Variants in BRD3 observed in about 807,000 individuals in gnomAD.
The protein encoded by BRD3 is bromodomain containing 3, also known as bromodomain-containing protein 3.
In BRD3, 17 loss-of-function variants were observed where a neutral mutation model predicts 66.8. The ratio of observed to expected loss-of-function variants is 0.25; its 90% confidence interval spans 0.17 to 0.38. BRD3 has a LOEUF of 0.38. Among genes scored for constraint, BRD3 ranks in the 10% least tolerant of loss-of-function variants. BRD3 has a pLI of 1.00. For missense variants in BRD3, 713 were observed against 956.1 expected (o/e 0.75, Z 3.35); for synonymous variants, 421 against 393.2 (o/e 1.07, Z -0.84).
upstream of BRD3, chr9:134,068,275 C>A (rs1830715767): frequency 6.8e-6 from 1 of 146,836 alleles, no homozygotes; most frequent in South Asian, 2.1e-4. Context: ...AGGGCAACAA[C>A]GCTGGGACCC....
At chr9:134,067,753 G>A (rs1200468248) in intron 1 of BRD3, among the ~76,000 whole-genome samples, 192 bp downstream of exon 1, 1 of 145,030 alleles carries the variant, frequency 6.9e-6, no homozygotes, top group East Asian at 2.0e-4. Context: ...CCGGGCGGCC[G>A]CCGCGCTTTG....
At chr9:134,064,855 G>A (rs938481257) in intron 1 of BRD3, among the ~76,000 whole-genome samples, 3 of 152,138 alleles carry the variant, frequency 2.0e-5, no homozygotes, top group Non-Finnish European at 2.9e-5. Flanking sequence ...CCTATGCTCC[G>A]CCACCAGCTG....
At chr9:134,047,882 G>A in intron 6 of BRD3, 1 of 631,946 alleles carries the variant, frequency 1.6e-6, no homozygotes, top group South Asian at 2.6e-5. Context: ...ACAGACTCCG[G>A]GACCCACAGG....
chr9:134,037,954 A>C (rs916573585), intron 9 of BRD3, among the ~76,000 whole-genome samples: 4 of 152,222 alleles, frequency 2.6e-5, no homozygotes, highest in South Asian at 2.1e-4. Context: ...TAAACCTCTA[A>C]AACTCACTCA....
intron 1 of BRD3, among the ~76,000 whole-genome samples, chr9:134,054,680 G>A (rs999660668): frequency 5.9e-5 from 9 of 152,206 alleles, no homozygotes; most frequent in South Asian, 4.1e-4. Context: ...CCCCAGAACC[G>A]GCCACTTGTA....
In BRD3 at chr9:134,031,708, CTG is replaced by C; in HGVS notation, c.*1880_*1881del. 4.7e-6 allele frequency: 1 copy of C among 213,198 alleles called. No homozygotes were observed. Among genetic ancestry groups the C allele is most frequent in the East Asian group, 7.0e-5 (1 of 14,202 alleles). The allele number at this position is 213,198 out of a possible 1,614,324, so 13.2% of individuals were successfully genotyped here. A position where few individuals can be genotyped will look rare whatever the true frequency, so the allele number is the denominator to read the frequency against. ...CTACATCTGTAAGGGTCAGTGGACT[CTG>C]AATCAATTTTATGGTTGTTTTAAAA... On this transcript the variant is annotated 3_prime_UTR_variant, in exon 12 of 12. Coordinates refer to ENST00000303407, the MANE Select transcript of BRD3 (RefSeq NM_007371.4).
intron 1 of BRD3, among the ~76,000 whole-genome samples, chr9:134,064,621 G>A (rs1272823475): frequency 6.6e-6 from 1 of 152,152 alleles, no homozygotes; most frequent in Non-Finnish European, 1.5e-5. Context: ...AGCACTTCAG[G>A]AGGCAGAGAC....
intron 6 of BRD3, 31 bp downstream of exon 6, chr9:134,048,052 G>T: frequency 1.3e-6 from 2 of 1,526,238 alleles, no homozygotes; most frequent in Non-Finnish European, 1.8e-6. Flanking sequence ...CAGGACATGG[G>T]CAGAGCAGGG....
At position 134,067,785 on chromosome 9, in the gene BRD3, AGGCGGC is replaced by A. The variant is rs912414081; in HGVS notation, c.-114+154_-114+159del. Among the ~76,000 whole-genome samples, 56 of 141,896 alleles carry A rather than the reference AGGCGGC, an allele frequency of 3.9e-4. 1 individual carries two copies. The highest frequency in any genetic ancestry group is 3.6e-3 in the South Asian group (16 of 4,468). 93.1% of individuals were successfully genotyped at this position (141,896 alleles called of 152,430 possible). A position where few individuals can be genotyped will look rare whatever the true frequency, so the allele number is the denominator to read the frequency against. On this transcript the variant is annotated intron_variant, in intron 1 of 11. Coordinates refer to ENST00000303407, the MANE Select transcript of BRD3 (RefSeq NM_007371.4). ...TTTGTTGCATCGTGGCCGCGCACAAAGGCGGCGGCGGCGGCGGCGGCCCCGGGCGCC... is the reference window on the plus strand; with the variant it reads ...TTTGTTGCATCGTGGCCGCGCACAAAGGCGGCGGCGGCGGCCCCGGGCGCC...
chr9:134,048,075 C>A lies in BRD3; in HGVS notation c.1086+8G>T. ...GGGCAGAGCAGGGCCTGCCGCGCGG[C>A]CACGTACTTTCACGGTGCTGAGGTC... On this transcript the variant is annotated splice_region_variant and intron_variant, in intron 6 of 11. Coordinates refer to ENST00000303407, the MANE Select transcript of BRD3 (RefSeq NM_007371.4). 2 of 1,554,880 alleles carry A rather than the reference C, an allele frequency of 1.3e-6. No homozygotes were observed. Among genetic ancestry groups the A allele is most frequent in the Non-Finnish European group, 1.7e-6 (2 of 1,148,328 alleles).
chr9:134,066,625 G>A (rs1026212455), intron 1 of BRD3, among the ~76,000 whole-genome samples: 1 of 152,042 alleles, frequency 6.6e-6, no homozygotes, highest in African/African-American at 2.4e-5. Context: ...AAAGAGCAGG[G>A]TAAAAAGAAA....
rs10636878 is a variant in BRD3 at position 134,032,336 on chromosome 9, C to CTT, written c.*1252_*1253dup. ...CTAAATTGATTTCTTTTAAAACAGT[C>CTT]TTAAAGAGACCAGAAGTGAATACAA... On this transcript the variant is annotated 3_prime_UTR_variant, in exon 12 of 12. Coordinates refer to ENST00000303407, the MANE Select transcript of BRD3 (RefSeq NM_007371.4). 2,343 of 213,296 alleles carry CTT rather than the reference C, an allele frequency of 0.011. 36 individuals carry two copies. Among genetic ancestry groups the CTT allele is most frequent in the African/African-American group, 0.034 (1,475 of 43,648 alleles). The allele number at this position is 213,296 out of a possible 1,614,324, so 13.2% of individuals were successfully genotyped here.
At chr9:134,035,473 C>G (rs1156939938) in intron 10 of BRD3, among the ~76,000 whole-genome samples, 4 of 152,192 alleles carry the variant, frequency 2.6e-5, no homozygotes, top group South Asian at 2.1e-4. Flanking sequence ...CCTGCAGACC[C>G]CAGCAGTGAC....
At position 134,038,453 on chromosome 9, in the gene BRD3, AC is replaced by A. The variant is rs1829974862; in HGVS notation, c.1643+1580del. Among the ~76,000 whole-genome samples the A allele has an allele frequency of 1.3e-5, 2 of 152,070 alleles. 1 individual carries two copies. Among genetic ancestry groups the A allele is most frequent in the South Asian group, 4.2e-4 (2 of 4,816 alleles). On this transcript the variant is annotated intron_variant, in intron 9 of 11. Transcript: ENST00000303407. ...CTAATCACTCAAATATTATATCCCA[AC>A]CAACACTTTTTTTTGTAAAGAGATT...
rs62639998 is a variant in BRD3 at position 134,045,353 on chromosome 9, C to G, written c.1155G>C (p.Ser385=). The change falls in exon 7 of 12, where the codon TCG becomes TCC. Residue 385 remains serine, a synonymous_variant. Transcript: ENST00000303407. This position sits in a 1 kb window ranked among gnomAD's most constrained non-coding sequence, Gnocchi z 4.8. ...GFAADVRLMF[S]NCYKYNPPDH... ...CTGGGGGATTGTATTTGTAGCAATT[C>G]GAGAACATCAGCCGGACATCAGCAG... 3 of 1,613,728 alleles carry G rather than the reference C, an allele frequency of 1.9e-6. No homozygotes were observed. In the East Asian group the frequency reaches 6.7e-5, roughly 36 times the overall value.
intron 1 of BRD3, among the ~76,000 whole-genome samples, chr9:134,061,164 A>G (rs1830536992): frequency 6.6e-6 from 1 of 152,228 alleles, no homozygotes. Flanking sequence ...TGGGCAGCAC[A>G]GCAGCCTAGC....
In BRD3 at chr9:134,052,456, T is replaced by A. The variant is rs761882812; in HGVS notation, c.214-13A>T. Reference sequence around the variant, plus strand: ...TTTTATGATAATCCTAGGAAAGAGATTTTCAGAGGCATTACCAGAAGATTC... The same window carrying A: ...TTTTATGATAATCCTAGGAAAGAGAATTTCAGAGGCATTACCAGAAGATTC... On this transcript the variant is annotated splice_polypyrimidine_tract_variant and intron_variant, in intron 2 of 11. Transcript: ENST00000303407. The A allele has an allele frequency of 2.5e-6, 4 of 1,594,380 alleles. No homozygotes were observed. The highest frequency in any genetic ancestry group is 3.4e-6 in the Non-Finnish European group (4 of 1,174,358).
At chr9:134,062,259 T>TGCCTGGCC (rs1404825423) in intron 1 of BRD3, among the ~76,000 whole-genome samples, 1 of 152,158 alleles carries the variant, frequency 6.6e-6, no homozygotes, top group Admixed American at 6.5e-5. Context: ...CTCCTGCAGC[T>TGCCTGGCC]GCCTGGCCGC....
chr9:134,054,951 G>A (rs1830383865), intron 1 of BRD3, among the ~76,000 whole-genome samples: 1 of 152,182 alleles, frequency 6.6e-6, no homozygotes, highest in African/African-American at 2.4e-5. Context: ...CAGCACGAGA[G>A]AACGTGCCCC....
Sources: gnomAD v4.1 joint callset for allele counts (sites outside exome capture counted in the v4.1 genomes callset) on GRCh38, gnomAD v4.1.1 for gene constraint, Gnocchi (gnomAD v3.1) non-coding constraint, MANE v1.5 for transcripts, NCBI Gene and HGNC (gene_info 2026-07-23, HGNC 2026-07-21) for gene names.